ANLN: variants seen among roughly 807,000 people sequenced by gnomAD.
ANLN encodes the protein anillin.
A neutral mutation model predicts 135.1 loss-of-function variants in ANLN; 59 were observed. That is an observed-to-expected ratio of 0.44 (90% CI 0.35 to 0.54). The LOEUF is 0.54. Among genes scored for constraint, ANLN ranks in the 20% least tolerant of loss-of-function variants. The pLI is 0.00. For missense variants in ANLN, 1,182 were observed against 1,340.0 expected, an observed-to-expected ratio of 0.88 and a Z score of 1.84; for synonymous variants, 406 against 456.4, an observed-to-expected ratio of 0.89 and a Z score of 1.41.
In ANLN at chr7:36,443,825, T is replaced by C; in HGVS notation, c.3041T>C (p.Ile1014Thr). The C allele has an allele frequency of 1.9e-6, 3 of 1,612,084 alleles. No homozygotes were observed. Among genetic ancestry groups the C allele is most frequent in the Non-Finnish European group, 2.5e-6 (3 of 1,178,844 alleles). The stretch of plus-strand genomic sequence containing the variant: ...TGGTGTGTTCTTTCTGGAAACTGTA[T>C]ATCTTATTGGACTTATCCAGATGAT... The part of the protein sequence containing the change: ...RRWCVLSGNC[I>T]SYWTYPDDEK... The change falls in exon 22 of 24, where the codon ATA becomes ACA. Residue 1014 changes from isoleucine to threonine, a missense_variant. Physicochemically the swap from Ile to Thr is moderately conservative, Grantham distance 89. Transcript: ENST00000265748.
chr7:36,447,185 T>C (rs1389178143), intron 22 of ANLN, among the ~76,000 whole-genome samples: 1 of 152,196 alleles, frequency 6.6e-6, no homozygotes, highest in Non-Finnish European at 1.5e-5. Context: ...AGCATGAATT[T>C]CTTTTTCTTT....
intron 20 of ANLN, among the ~76,000 whole-genome samples, chr7:36,435,701 G>A (rs1429678618): frequency 6.0e-5 from 9 of 150,874 alleles, no homozygotes; most frequent in African/African-American, 2.2e-4. Flanking sequence ...GTGAAACCCC[G>A]TCTCTACTAA....
intron 14 of ANLN, 74 bp downstream of exon 14, chr7:36,422,883 C>A: frequency 7.3e-7 from 1 of 1,376,144 alleles, no homozygotes; most frequent in Non-Finnish European, 9.8e-7. Flanking sequence ...AGAATAGAAA[C>A]AAGTAAATCA....
chr7:36,399,187 A>T lies in ANLN; in HGVS notation c.281A>T (p.Lys94Ile). 6.2e-7 allele frequency: 1 copy of T among 1,614,156 alleles called. No individual in the cohort carries two copies. The highest frequency in any genetic ancestry group is 8.5e-7 in the Non-Finnish European group (1 of 1,180,014). The change falls in exon 3 of 24, where the codon AAA (lysine) becomes ATA (isoleucine). Residue 94 changes from lysine (K) to isoleucine (I), a missense_variant. Transcript: ENST00000265748. The stretch of plus-strand genomic sequence containing the variant: ...CAACCAGTTGAGTCGACATCTGCAA[A>T]ATCTTGTTCTCCAAGTCCTGTGTCT... ...NKQPVESTSAKSCSPSPVSPQ... is the reference protein window; with the variant it reads ...NKQPVESTSAISCSPSPVSPQ...
At chr7:36,443,273 A>T (rs1054157551) in intron 21 of ANLN, among the ~76,000 whole-genome samples, 3 of 152,214 alleles carry the variant, frequency 2.0e-5, no homozygotes, top group Non-Finnish European at 4.4e-5. Context: ...AAGGCTTATG[A>T]TCATAAGTTA....
rs554277597 is a variant in ANLN, at chr7:36,431,862, T to C, written c.2883+4834T>C. On this transcript the variant is annotated intron_variant, in intron 20 of 23. Transcript: ENST00000265748. ...TGGTTCTCACTTCCTTGCTAATAAA[T>C]GTCCCTTGTGGCTTTCTTTTTTCCC... is the stretch of plus-strand genomic sequence containing the variant. Among the ~76,000 whole-genome samples the C allele has an allele frequency of 5.9e-5, 9 of 151,940 alleles. No homozygotes were observed. The East Asian group carries it at 1.7e-3, about 29-fold the overall frequency.
chr7:36,452,429 G>C (rs1385308702), intron 23 of ANLN, 48 bp from the exon 24 acceptor site: 1 of 1,611,684 alleles, frequency 6.2e-7, no homozygotes, highest in Non-Finnish European at 8.5e-7. Flanking sequence ...TGGGGGTATG[G>C]AATGGAGGGA....
chr7:36,390,300 G>A, intron 1 of ANLN: 1 of 558,546 alleles, frequency 1.8e-6, no homozygotes, highest in East Asian at 3.0e-5. Flanking sequence ...GCTGTTGCGA[G>A]AGGTCTTTCA....
rs1282866445 is a variant in ANLN, at chr7:36,389,887, A to AGAG, written c.-137_-135dup. Reference sequence around the variant, plus strand: ...GAGTCCGTCACTGGAAGCCGAGAGGAGAGGACAGCTGGTTGTGGGAGAGTT... The same window carrying AGAG: ...GAGTCCGTCACTGGAAGCCGAGAGGAGAGGAGGACAGCTGGTTGTGGGAGAGTT... On this transcript the variant is annotated 5_prime_UTR_variant, in exon 1 of 24. Transcript: ENST00000265748. 1.4e-6 allele frequency: 2 copies of AGAG among 1,475,428 alleles called. No homozygotes were observed. Among genetic ancestry groups the AGAG allele is most frequent in the Non-Finnish European group, 1.9e-6 (2 of 1,065,004 alleles). The allele number at this position is 1,475,428 out of a possible 1,614,324, so 91.4% of individuals were successfully genotyped here.
At chr7:36,425,796 A>G in intron 18 of ANLN, 56 bp downstream of exon 18, 1 of 1,542,376 alleles carries the variant, frequency 6.5e-7, no homozygotes, top group Non-Finnish European at 8.9e-7. Flanking sequence ...TCTTACCCAT[A>G]CAGTTTTAAA....
In ANLN at chr7:36,452,495, T is replaced by C. The variant is rs1296233729; in HGVS notation, c.3270T>C (p.Asp1090=). Residue 1090 remains aspartate, a synonymous_variant, in exon 24 of 24, where the codon GAT becomes GAC. Transcript: ENST00000265748. ...LCVTKNWLSA[D]TKEERDLWMQ... is the part of the protein sequence containing the mutation. ...CCTGTAGGAACTGGCTGTCTGCAGATACTAAAGAAGAGCGGGATCTCTGGA... is the reference window on the plus strand; with the variant it reads ...CCTGTAGGAACTGGCTGTCTGCAGACACTAAAGAAGAGCGGGATCTCTGGA... 1 of 1,614,044 alleles carries C rather than the reference T, an allele frequency of 6.2e-7. No homozygotes were observed. Among genetic ancestry groups the C allele is most frequent in the Admixed American group, 1.7e-5 (1 of 60,014 alleles).
At chr7:36,412,477 C>T (rs994850175) in intron 7 of ANLN, among the ~76,000 whole-genome samples, 13 of 151,534 alleles carry the variant, frequency 8.6e-5, no homozygotes, top group African/African-American at 2.7e-4. Flanking sequence ...TACAGGCATG[C>T]GCCACCACAC....
intron 23 of ANLN, among the ~76,000 whole-genome samples, chr7:36,451,280 A>G (rs1316632356): frequency 1.3e-5 from 2 of 152,340 alleles, no homozygotes; most frequent in African/African-American, 2.4e-5. Flanking sequence ...CTTGTTGTCA[A>G]TGCTAAAGAT....
rs117705799 is a variant in ANLN at position 36,449,720 on chromosome 7, C to T, written c.3134C>T (p.Ala1045Val). 325 of 1,613,884 alleles carry T rather than the reference C, an allele frequency of 2.0e-4. 2 individuals carry two copies. The East Asian group carries it at 6.8e-3, about 34-fold the overall frequency. The part of the protein sequence containing the change: ...ANCTSRQIEP[A>V]NREFCARRNT... ...TGTACCAGTCGTCAGATAGAACCAGCCAACAGAGAATTTTGTGCAAGACGC... is the reference window on the plus strand; with the variant it reads ...TGTACCAGTCGTCAGATAGAACCAGTCAACAGAGAATTTTGTGCAAGACGC... Residue 1045 changes from alanine to valine, a missense_variant, in exon 23 of 24, where the codon GCC becomes GTC. Ala to Val is a moderately conservative substitution (Grantham distance 64, BLOSUM62 0). Coordinates refer to ENST00000265748, the MANE Select transcript of ANLN (RefSeq NM_018685.5).
rs758181302 is a variant in ANLN, at chr7:36,399,265, C to T, written c.359C>T (p.Pro120Leu). The stretch of plus-strand genomic sequence containing the variant: ...ACCATCAGTGATTCTGTTGCTGTCC[C>T]GGCATCACTGCTGGGCATGAGGAGA... ...ADTISDSVAV[P>L]ASLLGMRRGL... The change falls in exon 3 of 24, where the codon CCG becomes CTG. Residue 120 changes from proline (P) to leucine (L), a missense_variant. Physicochemically the swap from Pro to Leu is moderately conservative, Grantham distance 98 (BLOSUM62 -3). Coordinates refer to ENST00000265748, the MANE Select transcript of ANLN (RefSeq NM_018685.5). 2.9e-5 allele frequency: 47 copies of T among 1,614,022 alleles called. No homozygotes were observed. Among genetic ancestry groups the T allele is most frequent in the East Asian group, 1.1e-4 (5 of 44,888 alleles).
chr7:36,446,650 A>G lies in ANLN; in HGVS notation c.3078+2788A>G, dbSNP rs530815117. ...CGAGAACTCATTCACTATTGTGAGG[A>G]CAGCACCAAGGGGATTTCTTGAGAA... is the stretch of plus-strand genomic sequence containing the variant. On this transcript the variant is annotated intron_variant, in intron 22 of 23. Transcript: ENST00000265748. Among the ~76,000 whole-genome samples, 7 of 152,336 alleles carry G rather than the reference A, an allele frequency of 4.6e-5. No homozygotes were observed. In the East Asian group the frequency reaches 1.2e-3, roughly 25 times the overall value.
chr7:36,429,067 T>A lies in ANLN; in HGVS notation c.2883+2039T>A, dbSNP rs148464642. Among the ~76,000 whole-genome samples the A allele has an allele frequency of 2.6e-4, 40 of 151,302 alleles. No individual in the cohort carries two copies. In the East Asian group the frequency reaches 6.8e-3, roughly 26 times the overall value. On this transcript the variant is annotated intron_variant, in intron 20 of 23. Transcript: ENST00000265748. ...GTGCTGGGATTACAGGTGTGAACAC[T>A]GTGCCTGGCCAAAAGTAGAAAATTT... is the stretch of plus-strand genomic sequence containing the variant.
intron 1 of ANLN, among the ~76,000 whole-genome samples, chr7:36,392,655 A>T (rs1786527950): frequency 6.6e-6 from 1 of 151,906 alleles, no homozygotes; most frequent in Non-Finnish European, 1.5e-5. Flanking sequence ...TATTGAGTTT[A>T]TATATTTAAG....
Position 36,424,762 on chromosome 7 carries a change from A to C in ANLN, c.2709+20A>C, listed in dbSNP as rs773724757. The C allele has an allele frequency of 6.2e-7, 1 of 1,602,238 alleles. No individual in the cohort carries two copies. The highest frequency in any genetic ancestry group is 8.5e-7 in the Non-Finnish European group (1 of 1,174,750). ...TCCAAGGTGAGAATTAAAGAAACCC[A>C]GTAAAAATATTTTCATCAGAAGTAA... On this transcript the variant is annotated intron_variant, in intron 17 of 23. Transcript: ENST00000265748.
Sources: gnomAD v4.1 joint callset for allele counts (sites outside exome capture counted in the v4.1 genomes callset) on GRCh38, gnomAD v4.1.1 for gene constraint, MANE v1.5 for transcripts, NCBI Gene and HGNC (gene_info 2026-07-23, HGNC 2026-07-21) for gene names.